GSE1: variants seen among roughly 807,000 people sequenced by gnomAD.
GSE1 encodes Gse1 coiled-coil protein.
A neutral mutation model predicts 112.6 loss-of-function variants in GSE1; 32 were observed. That is an observed-to-expected ratio of 0.28 (90% CI 0.21 to 0.38). The LOEUF is 0.38. Among genes scored for constraint, GSE1 ranks in the 10% least tolerant of loss-of-function variants. GSE1 has a pLI of 1.00. For synonymous variants in GSE1, 1,115 were observed against 735.6 expected (o/e 1.52, Z -8.35); for missense variants, 2,348 against 1,699.2 (o/e 1.38, Z -6.71).
exon 1 of GSE1, chr16:85,169,574 C>A: frequency 1.0e-6 from 1 of 980,574 alleles, no homozygotes; most frequent in South Asian, 4.6e-5. Flanking sequence ...CTCATGGCAG[C>A]CGTGGGCGAG....
At chr16:85,444,890 G>GC (rs1224160812) in intron 2 of GSE1, among the ~76,000 whole-genome samples, 4 of 152,112 alleles carry the variant, frequency 2.6e-5, no homozygotes, top group African/African-American at 9.7e-5. Context: ...GGGGTGTCCC[G>GC]CCCATGCCCC....
Position 85,515,638 on chromosome 16 carries a change from G to A in GSE1, c.2465-118276G>A, listed in dbSNP as rs114786254. 2.8e-3 allele frequency among the ~76,000 whole-genome samples: 425 copies of A among 151,776 alleles called. 3 individuals are homozygous for A. Among genetic ancestry groups the A allele is most frequent in the African/African-American group, 9.6e-3 (399 of 41,374 alleles). ...TGGGGGGAGATCGCCTGAACAGGTC[G>A]GGGGGCGTGGAGGGCGGGGGCTGGA... On this transcript the variant is annotated intron_variant, in intron 2 of 2. Transcript: ENST00000637419.
intron 1 of GSE1, among the ~76,000 whole-genome samples, chr16:85,626,344 C>T (rs2151677259): frequency 6.6e-6 from 1 of 152,344 alleles, no homozygotes; most frequent in African/African-American, 2.4e-5. Context: ...GGTGCCCGTG[C>T]AGCCTCAGCC....
At chr16:85,437,057 G>A (rs1415937673) in intron 2 of GSE1, among the ~76,000 whole-genome samples, 2 of 152,216 alleles carry the variant, frequency 1.3e-5, no homozygotes, top group African/African-American at 2.4e-5. Flanking sequence ...TGGCGGGGGC[G>A]GGGGCATGGG....
chr16:85,585,371 G>T (rs559660221), intron 1 of GSE1, among the ~76,000 whole-genome samples: 2 of 152,214 alleles, frequency 1.3e-5, no homozygotes, highest in Admixed American at 1.3e-4. Context: ...CGGTTCTTCT[G>T]TATGGCAGCC....
At chr16:85,533,726 G>A (rs28499270) in intron 2 of GSE1, among the ~76,000 whole-genome samples, 37,463 of 151,860 alleles carry the variant, frequency 0.25, 4,658 homozygotes, top group South Asian at 0.35. Flanking sequence ...CTATCTGGAC[G>A]TAGTGGCACG....
chr16:85,641,423 G>GC (rs61178619), intron 2 of GSE1, among the ~76,000 whole-genome samples: 3,105 of 150,418 alleles, frequency 0.021, 35 homozygotes, highest in Non-Finnish European at 0.022. Context: ...ACTGGCTGAC[G>GC]CCCCCCCCCG....
intron 1 of GSE1, among the ~76,000 whole-genome samples, chr16:85,228,150 G>A (rs753836984): frequency 2.0e-5 from 3 of 152,256 alleles, no homozygotes; most frequent in Non-Finnish European, 4.4e-5. Flanking sequence ...CTGGCTGCTG[G>A]AGGAGCAGCG....
chr16:85,438,176 G>T (rs1032779725), intron 2 of GSE1, among the ~76,000 whole-genome samples: 4 of 152,182 alleles, frequency 2.6e-5, no homozygotes. Context: ...GCCCCCACGG[G>T]GTACCTAACA....
In GSE1 at chr16:85,419,131, T is replaced by G. The variant is rs532946141; in HGVS notation, c.2464+61488T>G. Reference sequence around the variant, plus strand: ...AAGCTGGGAGACTGGGGAGACACCTTGGGAGTGAGTGACGTGATGGGAGCC... The same window carrying G: ...AAGCTGGGAGACTGGGGAGACACCTGGGGAGTGAGTGACGTGATGGGAGCC... On this transcript the variant is annotated intron_variant, in intron 2 of 2. Transcript: ENST00000637419. The surrounding 1 kb of genome is among the most constrained non-coding windows in gnomAD (Gnocchi z 6.5). Among the ~76,000 whole-genome samples the G allele has an allele frequency of 5.3e-5, 8 of 152,190 alleles. No individual in the cohort carries two copies. The East Asian group carries it at 1.5e-3, about 29-fold the overall frequency.
intron 1 of GSE1, among the ~76,000 whole-genome samples, chr16:85,603,449 C>T (rs1318148663): frequency 6.6e-6 from 1 of 152,230 alleles, no homozygotes. Flanking sequence ...AAACTACAGG[C>T]CCTGCCCTGC....
At chr16:85,662,885 C>A (rs2052545751) in intron 9 of GSE1, 96 bp from the exon 10 acceptor site, 1 of 864,098 alleles carries the variant, frequency 1.2e-6, no homozygotes. Flanking sequence ...GCAGGCCTGG[C>A]CTGATAGGTG....
At chr16:85,531,655 C>T (rs554478748) in intron 2 of GSE1, among the ~76,000 whole-genome samples, 1 of 152,312 alleles carries the variant, frequency 6.6e-6, no homozygotes, top group Non-Finnish European at 1.5e-5. Flanking sequence ...ATGGCCTCGC[C>T]GGGATGTCTT....
intron 1 of GSE1, among the ~76,000 whole-genome samples, chr16:85,237,723 A>G (rs1451188900): frequency 6.6e-6 from 1 of 152,028 alleles, no homozygotes; most frequent in Non-Finnish European, 1.5e-5. Context: ...CTGTAGTCCC[A>G]GCTACTTGGG....
rs763925298 is a variant in GSE1, at chr16:85,373,904, G to T, written c.2464+16261G>T. ...CATGAGCGGCAGCCTCCAGGCACCC[G>T]CCCGGCCTCCCTCCCCGCTCCCCGC... On this transcript the variant is annotated intron_variant, in intron 2 of 2. Coordinates refer to the GSE1 transcript ENST00000637419. This position sits in a 1 kb window ranked among gnomAD's most constrained non-coding sequence, Gnocchi z 5.1. Among the ~76,000 whole-genome samples the T allele has an allele frequency of 6.6e-6, 1 of 152,084 alleles. No individual in the cohort carries two copies. Among genetic ancestry groups the T allele is most frequent in the Middle Eastern group, 3.2e-3 (1 of 316 alleles).
At position 85,246,498 on chromosome 16, in the gene GSE1, ACACC is replaced by A. The variant is rs1180843911; in HGVS notation, c.2283+74693_2283+74696del. ...ACACACACACACACACACACTCTAC[ACACC>A]CCCCCCCCCCCGACGCTGTCTGCAG... On this transcript the variant is annotated intron_variant, in intron 1 of 2. Transcript: ENST00000637419. 2.9e-4 allele frequency among the ~76,000 whole-genome samples: 9 copies of A among 31,518 alleles called. 2 individuals carry two copies. The highest frequency in any genetic ancestry group is 1.1e-3 in the South Asian group (1 of 914). The allele number at this position is 31,518 out of a possible 152,430, so 20.7% of individuals were successfully genotyped here.
At position 85,209,608 on chromosome 16, in the gene GSE1, G is replaced by C. The variant is rs573962084; in HGVS notation, c.2283+37801G>C. 4.6e-5 allele frequency among the ~76,000 whole-genome samples: 7 copies of C among 152,292 alleles called. No individual in the cohort carries two copies. The South Asian group carries it at 1.5e-3, about 32-fold the overall frequency. ...GGCTTCTGCAGCACCGGCCTCCCGC[G>C]GCCAGCCCAAGGGTCACGCAAGGCC... On this transcript the variant is annotated intron_variant, in intron 1 of 2. Transcript: ENST00000637419.
At chr16:85,319,743 C>T (rs751278394) in intron 1 of GSE1, among the ~76,000 whole-genome samples, 7 of 152,192 alleles carry the variant, frequency 4.6e-5, no homozygotes, top group Non-Finnish European at 7.3e-5. Flanking sequence ...GATTCTGCCT[C>T]GTACTGTGTT....
At chr16:85,295,306 C>T (rs956501401) in intron 1 of GSE1, among the ~76,000 whole-genome samples, 3 of 152,146 alleles carry the variant, frequency 2.0e-5, no homozygotes, top group African/African-American at 7.2e-5. Flanking sequence ...TTCTCTCACT[C>T]GGGACCAGCC....
Sources: allele counts gnomAD v4.1 joint callset (sites outside exome capture counted in the v4.1 genomes callset), GRCh38; gene constraint gnomAD v4.1.1; non-coding constraint Gnocchi (gnomAD v3.1); transcripts MANE v1.5; gene names NCBI Gene and HGNC (gene_info 2026-07-23, HGNC 2026-07-21).